Variants in UGT1A5 observed in about 807,000 individuals in gnomAD.
The protein encoded by UGT1A5 is UDP glucuronosyltransferase family 1 member A5.
UGT1A5 carries 29 observed loss-of-function variants against 40.3 expected under a neutral mutation model. That is an observed-to-expected ratio of 0.72 (90% CI 0.54 to 0.98). The LOEUF is 0.98. UGT1A5 is among the 50% of genes least tolerant of loss of function. The pLI is 0.00. For synonymous variants in UGT1A5, 257 were observed against 262.5 expected (o/e 0.98, Z 0.20); for missense variants, 678 against 677.9 (o/e 1.00, Z 0.00).
rs28898623 is a variant in UGT1A5, at chr2:233,737,700, C to T, written c.867+23842C>T. On this transcript the variant is annotated intron_variant, in intron 1 of 4. Coordinates refer to ENST00000373414, the MANE Select transcript of UGT1A5 (RefSeq NM_019078.2). ...ATTTGGCCATTGGTGCTGAAGCTTC[C>T]GTTCTCCTCTCCAACACCTCCTTTT... Among the ~76,000 whole-genome samples the T allele has an allele frequency of 1.4e-3, 213 of 152,228 alleles. 1 individual carries two copies. The highest frequency in any genetic ancestry group is 4.8e-3 in the African/African-American group (199 of 41,534).
At chr2:233,730,253 A>G (rs1350953092) in intron 1 of UGT1A5, among the ~76,000 whole-genome samples, 3 of 152,152 alleles carry the variant, frequency 2.0e-5, no homozygotes, top group Non-Finnish European at 4.4e-5. Context: ...TGTGACTCAT[A>G]GAGACTGTTG....
chr2:233,766,445 C>A (rs1699154824), intron 1 of UGT1A5, among the ~76,000 whole-genome samples: 1 of 152,174 alleles, frequency 6.6e-6, no homozygotes, highest in African/African-American at 2.4e-5. Flanking sequence ...TGTGTGTCTG[C>A]CTGCTAGGGT....
At chr2:233,718,362 C>T (rs1203132382) in intron 1 of UGT1A5, among the ~76,000 whole-genome samples, 5 of 152,178 alleles carry the variant, frequency 3.3e-5, no homozygotes, top group Non-Finnish European at 7.4e-5. Flanking sequence ...CTGTGTTATT[C>T]ACATATGAGA....
At chr2:233,768,744 G>A (rs903121977) in intron 4 of UGT1A5, among the ~76,000 whole-genome samples, 12 of 151,626 alleles carry the variant, frequency 7.9e-5, no homozygotes, top group African/African-American at 2.4e-4. Context: ...CACCACGCCC[G>A]GTTAATTTTT....
intron 1 of UGT1A5, among the ~76,000 whole-genome samples, chr2:233,715,641 G>A (rs1196189169): frequency 6.6e-6 from 1 of 152,000 alleles, no homozygotes; most frequent in Non-Finnish European, 1.5e-5. Context: ...GTGTGATGGT[G>A]CACACCTGTG....
In UGT1A5 at chr2:233,731,246, C is replaced by T. The variant is rs139669566; in HGVS notation, c.867+17388C>T. Among the ~76,000 whole-genome samples, 684 of 150,450 alleles carry T rather than the reference C, an allele frequency of 4.5e-3. 5 individuals carry two copies. The highest frequency in any genetic ancestry group is 0.016 in the African/African-American group (645 of 41,062). On this transcript the variant is annotated intron_variant, in intron 1 of 4. Coordinates refer to ENST00000373414, the MANE Select transcript of UGT1A5 (RefSeq NM_019078.2). ...GTAAAAATGTTGAAAAGTGGGATGG[C>T]ATTTAAATAGTGACTGTTGCCCTTC... is the stretch of plus-strand genomic sequence containing the variant.
rs1700559887 is a variant in UGT1A5, at chr2:233,772,963, A to G, written c.*404A>G. On this transcript the variant is annotated 3_prime_UTR_variant, in exon 5 of 5. Coordinates refer to ENST00000373414, the MANE Select transcript of UGT1A5 (RefSeq NM_019078.2). ...TGGCTTCTGCAGATGGTTGCAATTG[A>G]TCCTTAACCAATAATGGTCAGTCCT... 3.2e-6 allele frequency: 1 copy of G among 310,458 alleles called. No homozygotes were observed. Among genetic ancestry groups the G allele is most frequent in the South Asian group, 3.3e-5 (1 of 30,404 alleles). 19.2% of individuals were successfully genotyped at this position (310,458 alleles called of 1,614,324 possible).
intron 1 of UGT1A5, chr2:233,718,713 C>T (rs2076677661): frequency 2.5e-6 from 4 of 1,607,198 alleles, no homozygotes; most frequent in Non-Finnish European, 1.7e-6. Context: ...CTTCCAATTA[C>T]ATGCTGATTT....
At chr2:233,735,081 G>T (rs541127094) in intron 1 of UGT1A5, among the ~76,000 whole-genome samples, 3 of 152,254 alleles carry the variant, frequency 2.0e-5, no homozygotes, top group African/African-American at 7.2e-5. Context: ...TTAACCTTTG[G>T]TCTTGTTGAA....
intron 1 of UGT1A5, among the ~76,000 whole-genome samples, chr2:233,756,874 G>A (rs1221596581): frequency 3.9e-5 from 6 of 152,098 alleles, no homozygotes; most frequent in Non-Finnish European, 7.3e-5. Context: ...GGTATTAGGT[G>A]TAATGAGGAT....
intron 4 of UGT1A5, 47 bp downstream of exon 4, chr2:233,768,486 T>A: frequency 1.3e-6 from 2 of 1,583,238 alleles, no homozygotes; most frequent in East Asian, 2.3e-5. Context: ...GCATTCATGA[T>A]AAAATTGTTT....
chr2:233,715,588 A>G lies in UGT1A5; in HGVS notation c.867+1730A>G, dbSNP rs531738366. Reference sequence around the variant, plus strand: ...GGAGTCTGAGAGCAGCCTGGGCAACATGCTGAGACTCCATCTCTACAAAAA... The same window carrying G: ...GGAGTCTGAGAGCAGCCTGGGCAACGTGCTGAGACTCCATCTCTACAAAAA... On this transcript the variant is annotated intron_variant, in intron 1 of 4. Transcript: ENST00000373414. Among the ~76,000 whole-genome samples, 110 of 152,162 alleles carry G rather than the reference A, an allele frequency of 7.2e-4. 1 individual carries two copies. The highest frequency in any genetic ancestry group is 2.5e-3 in the African/African-American group (104 of 41,510).
At chr2:233,729,254 G>T (rs1181621220) in intron 1 of UGT1A5, 6 of 1,614,100 alleles carry the variant, frequency 3.7e-6, no homozygotes, top group Middle Eastern at 1.6e-4. Context: ...CACTGGCTCA[G>T]CATGCGGGAG....
rs985684086 is a variant in UGT1A5 at position 233,766,924 on chromosome 2, A to C, written c.868-110A>C. 8.4e-5 allele frequency: 132 copies of C among 1,565,450 alleles called. 1 individual carries two copies. In the Middle Eastern group the frequency reaches 1.0e-3, roughly 12 times the overall value. ...ATTTTTTACTCTATCTCAAACACGCATGCCTTTAATCATAGTCTTAAGAGG... is the reference window on the plus strand; with the variant it reads ...ATTTTTTACTCTATCTCAAACACGCCTGCCTTTAATCATAGTCTTAAGAGG... On this transcript the variant is annotated intron_variant, in intron 1 of 4. Coordinates refer to ENST00000373414, the MANE Select transcript of UGT1A5 (RefSeq NM_019078.2).
chr2:233,768,255 G>C lies in UGT1A5; in HGVS notation c.1123G>C (p.Gly375Arg). ...PMTRAFITHA[G>R]SHGVYESICN... is the part of the protein sequence containing the mutation. ...GACCCGTGCCTTTATCACCCATGCT[G>C]GTTCCCATGGTGTTTATGAAAGCAT... Residue 375 changes from glycine to arginine, a missense_variant, in exon 4 of 5, where the codon GGT (glycine) becomes CGT (arginine). By Grantham distance (125) the Gly-to-Arg change is moderately radical. Transcript: ENST00000373414. 1 of 1,614,166 alleles carries C rather than the reference G, an allele frequency of 6.2e-7. No individual in the cohort carries two copies. The highest frequency in any genetic ancestry group is 8.5e-7 in the Non-Finnish European group (1 of 1,180,040).
chr2:233,761,113 G>T (rs72551345), intron 1 of UGT1A5: 1 of 1,614,106 alleles, frequency 6.2e-7, no homozygotes, highest in South Asian at 1.1e-5. Flanking sequence ...GGTTTTTGTT[G>T]GTGGAATCAA....
At chr2:233,728,727 T>C (rs1208956331) in intron 1 of UGT1A5, among the ~76,000 whole-genome samples, 1 of 152,204 alleles carries the variant, frequency 6.6e-6, no homozygotes, top group Non-Finnish European at 1.5e-5. Flanking sequence ...AGAGAGCATA[T>C]GACTGGGGGC....
intron 1 of UGT1A5, chr2:233,743,514 G>T (rs753191882): frequency 7.3e-7 from 1 of 1,367,256 alleles, no homozygotes; most frequent in Non-Finnish European, 9.8e-7. Flanking sequence ...CAGACGCTCT[G>T]CTTCTGCTTC....
At chr2:233,755,509 C>G (rs143373661) in intron 1 of UGT1A5, 6,563 of 166,164 alleles carry the variant, frequency 0.039, 278 homozygotes, top group Middle Eastern at 0.048. Flanking sequence ...GACCAGGCCC[C>G]GCCCACTCCG....
Sources: allele counts gnomAD v4.1 joint callset (sites outside exome capture counted in the v4.1 genomes callset), GRCh38; gene constraint gnomAD v4.1.1; transcripts MANE v1.5; gene names NCBI Gene and HGNC (gene_info 2026-07-23, HGNC 2026-07-21).